CEP162: variants seen among roughly 807,000 people sequenced by gnomAD.
CEP162 encodes centrosomal protein 162.
Under a neutral mutation model 169.2 loss-of-function variants are expected in CEP162, and 141 were observed. The ratio of observed to expected loss-of-function variants is 0.83; its 90% confidence interval spans 0.73 to 0.96. The LOEUF is 0.96. Among genes scored for constraint, CEP162 ranks in the 40% least tolerant of loss-of-function variants. The pLI, the probability that CEP162 is intolerant of heterozygous loss-of-function variation, is 0.00. For synonymous variants in CEP162, 540 were observed against 526.4 expected (o/e 1.03, Z -0.35); for missense variants, 1,600 against 1,587.2 (o/e 1.01, Z -0.14).
intron 11 of CEP162, among the ~76,000 whole-genome samples, chr6:84,190,279 C>T (rs1027881415): frequency 6.6e-6 from 1 of 152,104 alleles, no homozygotes; most frequent in East Asian, 1.9e-4. Context: ...GTATCTAGCT[C>T]AGGGATTGTA....
rs989475016 is a variant in CEP162, at chr6:84,150,227, T to TC, written c.3630-525_3630-524insG. ...ATGCTTGTAATATGCAATTAATTAATTGGACTGTAAGTGTGAAAGACTATT... is the reference window on the plus strand; with the variant it reads ...ATGCTTGTAATATGCAATTAATTAATCTGGACTGTAAGTGTGAAAGACTATT... On this transcript the variant is annotated intron_variant, in intron 23 of 26. Transcript: ENST00000403245. Among the ~76,000 whole-genome samples the TC allele has an allele frequency of 7.8e-4, 96 of 122,628 alleles. 1 individual carries two copies. The highest frequency in any genetic ancestry group is 3.8e-3 in the African/African-American group (92 of 24,310). The allele number at this position is 122,628 out of a possible 152,430, so 80.4% of individuals were successfully genotyped here.
chr6:84,161,623 G>A lies in CEP162; in HGVS notation c.2676+123C>T, dbSNP rs144437459. ...ACTATATATCTAAAAGCAAACCACCGATCTTAATTAATAGTTCAGATCTTA... is the reference window on the plus strand; with the variant it reads ...ACTATATATCTAAAAGCAAACCACCAATCTTAATTAATAGTTCAGATCTTA... On this transcript the variant is annotated intron_variant, in intron 20 of 26. Coordinates refer to ENST00000403245, the MANE Select transcript of CEP162 (RefSeq NM_014895.4). The A allele has an allele frequency of 9.5e-4, 705 of 740,608 alleles. 3 individuals are homozygous for A. In the African/African-American group the frequency reaches 0.011, roughly 11 times the overall value. The allele number at this position is 740,608 out of a possible 1,614,324, so 45.9% of individuals were successfully genotyped here.
chr6:84,220,483 G>C (rs1234323259), intron 3 of CEP162, among the ~76,000 whole-genome samples: 1 of 152,140 alleles, frequency 6.6e-6, no homozygotes, highest in African/African-American at 2.4e-5. Context: ...AAATTAGCCA[G>C]GCATGTTGGC....
chr6:84,224,523 A>T (rs1360950707), intron 2 of CEP162, among the ~76,000 whole-genome samples: 3 of 152,208 alleles, frequency 2.0e-5, no homozygotes, highest in Non-Finnish European at 2.9e-5. Context: ...GGGTGAATTA[A>T]ATGGTATGTG....
At position 84,185,324 on chromosome 6, in the gene CEP162, G is replaced by C; in HGVS notation, c.1526C>G (p.Ser509Ter). The change falls in exon 13 of 27, where the codon TCA becomes TGA. Residue 509 changes from serine to a stop codon, truncating the protein, a stop_gained. Coordinates refer to ENST00000403245, the MANE Select transcript of CEP162 (RefSeq NM_014895.4). LOFTEE classifies it high-confidence loss of function. ...KRKPQSGLYA[S>*]VRSSGYGKPS... ...TTTGCCATAGCCTGAGCTCCTAACT[G>C]ACGCATATAATCCACTCTGGGGTTT... 1 of 1,613,660 alleles carries C rather than the reference G, an allele frequency of 6.2e-7. No homozygotes were observed. The highest frequency in any genetic ancestry group is 8.5e-7 in the Non-Finnish European group (1 of 1,179,712).
chr6:84,150,683 T>C (rs1015997118), intron 23 of CEP162, among the ~76,000 whole-genome samples: 16 of 152,176 alleles, frequency 1.1e-4, no homozygotes, highest in African/African-American at 3.4e-4. Flanking sequence ...GGAAAATTAA[T>C]TGGAAAACCT....
intron 25 of CEP162, among the ~76,000 whole-genome samples, chr6:84,129,994 G>A (rs902404599): frequency 6.6e-6 from 1 of 152,168 alleles, no homozygotes; most frequent in Admixed American, 6.5e-5. Flanking sequence ...GATATTGGCT[G>A]TGGGTTTGTC....
intron 9 of CEP162, among the ~76,000 whole-genome samples, chr6:84,197,042 T>C (rs1413646558): frequency 2.6e-5 from 4 of 152,180 alleles, no homozygotes; most frequent in Admixed American, 1.3e-4. Flanking sequence ...GGTGTCTTTT[T>C]TTCCTCTATA....
intron 23 of CEP162, among the ~76,000 whole-genome samples, chr6:84,151,266 A>G (rs2099520987): frequency 6.6e-6 from 1 of 152,068 alleles, no homozygotes; most frequent in Admixed American, 6.6e-5. Flanking sequence ...TTTAAGCAAG[A>G]TGACTGGGGA....
Position 84,185,295 on chromosome 6 carries a change from T to G in CEP162, c.1555A>C (p.Ser519Arg). Residue 519 changes from serine (S) to arginine (R), a missense_variant, in exon 13 of 27, where the codon AGT (serine) becomes CGT (arginine). Physicochemically the swap from Ser to Arg is moderately radical, Grantham distance 110. Coordinates refer to ENST00000403245, the MANE Select transcript of CEP162 (RefSeq NM_014895.4). ...GTAGAAAACATCTTGAGTGGTGAAC[T>G]GGGTTTGCCATAGCCTGAGCTCCTA... ...SVRSSGYGKP[S>R]SPLKMFSTLE... The G allele has an allele frequency of 1.2e-6, 2 of 1,613,756 alleles. No individual in the cohort carries two copies. Among genetic ancestry groups the G allele is most frequent in the Non-Finnish European group, 1.7e-6 (2 of 1,179,706 alleles).
chr6:84,151,772 G>A (rs2497112), intron 23 of CEP162, among the ~76,000 whole-genome samples: 36,952 of 151,932 alleles, frequency 0.24, 9,906 homozygotes, highest in African/African-American at 0.67. Flanking sequence ...AGGTTAAGGG[G>A]AGAAGCCATT....
At chr6:84,185,499 T>A in intron 12 of CEP162, 51 bp from the exon 13 acceptor site, 17 of 1,458,584 alleles carry the variant, frequency 1.2e-5, no homozygotes, top group African/African-American at 1.4e-5. Flanking sequence ...CTTTAACTAT[T>A]GTTGTAAATG....
At chr6:84,131,772 T>A (rs914514024) in intron 25 of CEP162, among the ~76,000 whole-genome samples, 9 of 152,160 alleles carry the variant, frequency 5.9e-5, no homozygotes, top group African/African-American at 2.2e-4. Flanking sequence ...TACAGCACAC[T>A]GATGGGTTTT....
At chr6:84,177,937 C>G (rs1324169451) in intron 13 of CEP162, among the ~76,000 whole-genome samples, 1 of 152,036 alleles carries the variant, frequency 6.6e-6, no homozygotes, top group African/African-American at 2.4e-5. Context: ...ATTTAGTGGC[C>G]AAGTTGAGAT....
chr6:84,184,809 C>T (rs2099536392), intron 13 of CEP162, among the ~76,000 whole-genome samples: 1 of 151,792 alleles, frequency 6.6e-6, no homozygotes, highest in African/African-American at 2.4e-5. Context: ...TTATATCTGA[C>T]TGCCTCCTTG....
intron 5 of CEP162, among the ~76,000 whole-genome samples, 191 bp from the exon 6 acceptor site, chr6:84,213,215 T>C (rs1226507185): frequency 1.3e-5 from 2 of 152,206 alleles, no homozygotes; most frequent in East Asian, 3.8e-4. Flanking sequence ...TTCGAAGCAT[T>C]TGATTAATTG....
At chr6:84,127,839 T>G (rs2129182800) in intron 25 of CEP162, among the ~76,000 whole-genome samples, 1 of 152,218 alleles carries the variant, frequency 6.6e-6, no homozygotes, top group Non-Finnish European at 1.5e-5. Context: ...CAATGACTAG[T>G]GAGATAAGTG....
chr6:84,172,571 G>A (rs996479763), intron 16 of CEP162, among the ~76,000 whole-genome samples: 1 of 152,206 alleles, frequency 6.6e-6, no homozygotes, highest in Admixed American at 6.5e-5. Context: ...TGTTGTCTCT[G>A]TTGGAGGGGT....
rs1238012212 is a variant in CEP162, at chr6:84,201,732, T to C, written c.718+5A>G. ...AACTAAAACATGAATATAAATAATA[T>C]TTACCATTAGCAAGCATGCCAGTTT... On this transcript the variant is annotated splice_donor_5th_base_variant and intron_variant, in intron 8 of 26. Transcript: ENST00000403245. 4 of 1,313,380 alleles carry C rather than the reference T, an allele frequency of 3.0e-6. No homozygotes were observed. The highest frequency in any genetic ancestry group is 2.2e-5 in the Admixed American group (1 of 44,660). The allele number at this position is 1,313,380 out of a possible 1,614,324, so 81.4% of individuals were successfully genotyped here. A position where few individuals can be genotyped will look rare whatever the true frequency, so the allele number is the denominator to read the frequency against.
Sources: allele counts gnomAD v4.1 joint callset (sites outside exome capture counted in the v4.1 genomes callset), GRCh38; gene constraint gnomAD v4.1.1; transcripts MANE v1.5; gene names NCBI Gene and HGNC (gene_info 2026-07-23, HGNC 2026-07-21).